The following ZSCAN18 variants were observed in gnomAD, a reference collection of about 807,000 sequenced individuals.
ZSCAN18 encodes the protein zinc finger and SCAN domain-containing protein 18.
ZSCAN18 carries 16 observed loss-of-function variants against 31.1 expected under a neutral mutation model. The ratio of observed to expected loss-of-function variants is 0.51; its 90% CI spans 0.35 to 0.78. The LOEUF (loss-of-function observed/expected upper bound fraction) is 0.78. Among genes scored for constraint, ZSCAN18 ranks in the 30% least tolerant of loss-of-function variants. The pLI is 0.01. For missense variants in ZSCAN18, 731 were observed against 697.4 expected (o/e 1.05, Z -0.54); for synonymous variants, 375 against 320.7 (o/e 1.17, Z -1.81).
chr19:58,086,209 A>G lies in ZSCAN18; in HGVS notation c.803T>C (p.Leu268Ser). 2 of 1,614,028 alleles carry G rather than the reference A, an allele frequency of 1.2e-6. No individual in the cohort carries two copies. Among genetic ancestry groups the G allele is most frequent in the South Asian group, 1.1e-5 (1 of 91,070 alleles). The change falls in exon 6 of 7, where the codon TTG (leucine) becomes TCG (serine). Residue 268 changes from leucine (L) to serine (S), a missense_variant. Leu to Ser is a moderately radical substitution (Grantham distance 145). Transcript: ENST00000601144. ...GCTTCCTTGTGGATCTCTTTCCACC[A>G]ACCGGAGTTCCTCAGTGTCCAGCCT... ...ASRLDTEELR[L>S]VERDPQGSSL...
chr19:58,083,871 TCAGA>T lies in ZSCAN18; in HGVS notation c.*810_*813del, dbSNP rs1295448217. 6.6e-6 allele frequency: 1 copy of T among 152,248 alleles called. No individual in the cohort carries two copies. The highest frequency in any genetic ancestry group is 2.1e-4 in the South Asian group (1 of 4,834). 9.4% of individuals were successfully genotyped at this position (152,248 alleles called of 1,614,324 possible). On this transcript the variant is annotated 3_prime_UTR_variant, in exon 7 of 7. Coordinates refer to ENST00000601144, the MANE Select transcript of ZSCAN18 (RefSeq NM_001145543.2). ...GCCCAAGGAGTTTAGTCTCCTTTGC[TCAGA>T]CAGACAGATCTTTATTAGTGTTTTC...
At chr19:58,086,759 T>A in intron 5 of ZSCAN18, 147 bp downstream of exon 5, 1 of 611,144 alleles carries the variant, frequency 1.6e-6, no homozygotes, top group Non-Finnish European at 2.8e-6. Flanking sequence ...CTTCAGCGAA[T>A]AAATTCAAGC....
intron 1 of ZSCAN18, among the ~76,000 whole-genome samples, chr19:58,116,275 C>A (rs1957615700): frequency 6.7e-6 from 1 of 149,046 alleles, no homozygotes; most frequent in South Asian, 2.2e-4. Context: ...CCTCTGTGAT[C>A]TTAAGTCTGT....
At chr19:58,088,863 C>T in intron 2 of ZSCAN18, 26 bp from the exon 3 acceptor site, 1 of 1,599,550 alleles carries the variant, frequency 6.3e-7, no homozygotes, top group Non-Finnish European at 8.5e-7. Flanking sequence ...GGACCTGTGA[C>T]CCCAAGAGGT....
At chr19:58,098,270 G>C (rs1440579988), upstream of ZSCAN18, 8 of 985,412 alleles carry the variant, frequency 8.1e-6, no homozygotes, top group Non-Finnish European at 9.6e-6. Context: ...CCTCACCGCG[G>C]ACTACGACTC....
At chr19:58,107,924 G>A (rs746289202) in intron 1 of ZSCAN18, 10 of 1,075,458 alleles carry the variant, frequency 9.3e-6, no homozygotes, top group Middle Eastern at 2.9e-4. Flanking sequence ...GATTACACTC[G>A]TAGGGCTTCT....
chr19:58,085,414 C>A, intron 6 of ZSCAN18, 35 bp from the exon 7 acceptor site: 2 of 1,517,434 alleles, frequency 1.3e-6, no homozygotes, highest in Non-Finnish European at 1.8e-6. Flanking sequence ...GTGAGCGCCC[C>A]GCCCAGGGCC....
chr19:58,111,097 G>GGCGGA (rs1393096567), intron 1 of ZSCAN18, among the ~76,000 whole-genome samples: 1 of 152,138 alleles, frequency 6.6e-6, no homozygotes, highest in Non-Finnish European at 1.5e-5. Context: ...GAACCCGGGA[G>GGCGGA]GCGGAGCTTG....
upstream of ZSCAN18, among the ~76,000 whole-genome samples, chr19:58,101,386 T>G (rs994996284): frequency 2.0e-5 from 3 of 149,988 alleles, no homozygotes; most frequent in African/African-American, 7.4e-5. Context: ...CCTGACCTCA[T>G]GATCCACCCG....
intron 1 of ZSCAN18, among the ~76,000 whole-genome samples, chr19:58,097,457 C>A (rs969879281): frequency 4.6e-5 from 7 of 152,072 alleles, no homozygotes; most frequent in African/African-American, 1.7e-4. Flanking sequence ...CGAGAGAGGT[C>A]TCCGGGGTGG....
Position 58,108,028 on chromosome 19 carries a change from A to T in ZSCAN18, c.130+10239T>A, listed in dbSNP as rs2074649916. ...GCCACAGACCTTCTCACCAGTATGAATCCTCTTGTGCCTGATGAGGTACAT... is the reference window on the plus strand; with the variant it reads ...GCCACAGACCTTCTCACCAGTATGATTCCTCTTGTGCCTGATGAGGTACAT... On this transcript the variant is annotated intron_variant, in intron 1 of 1. Coordinates refer to the ZSCAN18 transcript ENST00000595721. 4.9e-6 allele frequency: 5 copies of T among 1,018,836 alleles called. No individual in the cohort carries two copies. In the South Asian group the frequency reaches 2.2e-4, roughly 45 times the overall value. The allele number at this position is 1,018,836 out of a possible 1,614,324, so 63.1% of individuals were successfully genotyped here. A position where few individuals can be genotyped will look rare whatever the true frequency, so the allele number is the denominator to read the frequency against.
chr19:58,085,578 G>C lies in ZSCAN18; in HGVS notation c.839-199C>G. ...GCCCCGCGCCTGCTGCTGCAGATGT[G>C]GGACCTGGAGGCCTCCAACAACGGA... On this transcript the variant is annotated intron_variant, in intron 6 of 6. Transcript: ENST00000601144. 3.5e-5 allele frequency: 19 copies of C among 541,654 alleles called. 1 individual carries two copies. The South Asian group carries it at 4.3e-4, about 12-fold the overall frequency. The allele number at this position is 541,654 out of a possible 1,614,324, so 33.6% of individuals were successfully genotyped here.
rs759425289 is a variant in ZSCAN18, at chr19:58,086,896, C to T, written c.745+10G>A. The T allele has an allele frequency of 1.4e-4, 220 of 1,609,864 alleles. 3 individuals are homozygous for T. In the East Asian group the frequency reaches 4.3e-3, roughly 31 times the overall value. ...GAGTGGGGCGTGACCCCGAGGCAGG[C>T]GACTCTCACCCCACAGGAGCAGCTT... is the stretch of plus-strand genomic sequence containing the variant. On this transcript the variant is annotated intron_variant, in intron 5 of 6. Coordinates refer to ENST00000601144, the MANE Select transcript of ZSCAN18 (RefSeq NM_001145543.2).
At chr19:58,094,840 C>T (rs975719484) in intron 1 of ZSCAN18, among the ~76,000 whole-genome samples, 1 of 139,550 alleles carries the variant, frequency 7.2e-6, no homozygotes, top group African/African-American at 2.8e-5. Context: ...ATCACAACAC[C>T]ACATTGCAGC....
upstream of ZSCAN18, among the ~76,000 whole-genome samples, chr19:58,100,755 T>C (rs12975659): frequency 0.77 from 115,657 of 150,452 alleles, 45,053 homozygotes; most frequent in Non-Finnish European, 0.85. Context: ...TGGTGGCAGG[T>C]GCCTGTAATT....
intron 1 of ZSCAN18, chr19:58,108,882 T>C (rs2074656795): frequency 2.0e-6 from 2 of 1,009,720 alleles, no homozygotes; most frequent in Non-Finnish European, 2.4e-6. Context: ...GGTGGCTAGG[T>C]TGTCCACCCT....
In ZSCAN18 at chr19:58,090,468, C is replaced by T. The variant is rs2145984533; in HGVS notation, c.-119-82G>A. 1 of 1,297,104 alleles carries T rather than the reference C, an allele frequency of 7.7e-7. No individual in the cohort carries two copies. The highest frequency in any genetic ancestry group is 1.0e-6 in the Non-Finnish European group (1 of 961,772). 80.3% of individuals were successfully genotyped at this position (1,297,104 alleles called of 1,614,324 possible). ...CAGCTGCCAGAGAACAAAGACACCA[C>T]ACCCAGAGTTCACACAGATTTCCAA... On this transcript the variant is annotated intron_variant, in intron 1 of 6. Coordinates refer to ENST00000601144, the MANE Select transcript of ZSCAN18 (RefSeq NM_001145543.2). This position sits in a 1 kb window ranked among gnomAD's most constrained non-coding sequence, Gnocchi z 4.7.
chr19:58,088,601 G>A (rs758937534), intron 3 of ZSCAN18, 87 bp downstream of exon 3: 1 of 1,421,570 alleles, frequency 7.0e-7, no homozygotes, highest in Non-Finnish European at 9.5e-7. Flanking sequence ...CTCCCTGGCT[G>A]CCCTTCTGCC....
At chr19:58,102,703 A>T (rs1374301155), upstream of ZSCAN18, among the ~76,000 whole-genome samples, 1 of 8,554 alleles carries the variant, frequency 1.2e-4, no homozygotes, top group Non-Finnish European at 6.1e-4. Flanking sequence ...CTCAGCAACA[A>T]GATTTTTTCC....
Sources: gnomAD v4.1 joint callset for allele counts (sites outside exome capture counted in the v4.1 genomes callset) on GRCh38, gnomAD v4.1.1 for gene constraint, Gnocchi (gnomAD v3.1) non-coding constraint, MANE v1.5 for transcripts, NCBI Gene and HGNC (gene_info 2026-07-23, HGNC 2026-07-21) for gene names.